The following ELK3 variants were observed in gnomAD, a reference collection of about 807,000 sequenced individuals.
ELK3 encodes ETS domain-containing protein Elk-3.
ELK3 carries 10 observed loss-of-function variants against 28.9 expected under a neutral mutation model. That is an observed-to-expected ratio of 0.35 (90% confidence interval 0.21 to 0.59). The LOEUF is 0.59. ELK3 is among the 20% of genes least tolerant of loss of function. ELK3 has a pLI of 0.82. For synonymous variants in ELK3, 272 were observed against 243.5 expected (o/e 1.12, Z -1.09); for missense variants, 463 against 517.3 (o/e 0.90, Z 1.02).
At chr12:96,195,805 C>T (rs1372863512) in intron 1 of ELK3, among the ~76,000 whole-genome samples, 4 of 152,126 alleles carry the variant, frequency 2.6e-5, no homozygotes, top group Admixed American at 1.3e-4. Flanking sequence ...CTGTGGTTTG[C>T]TCCTTCTTAG....
In ELK3 at chr12:96,268,127, TAAAA is replaced by T. The variant is rs1952054902; in HGVS notation, c.*950_*953del. 2 of 152,230 alleles carry T rather than the reference TAAAA, an allele frequency of 1.3e-5. No individual in the cohort carries two copies. The highest frequency in any genetic ancestry group is 4.8e-5 in the African/African-American group (2 of 41,474). 9.4% of individuals were successfully genotyped at this position (152,230 alleles called of 1,614,324 possible). On this transcript the variant is annotated 3_prime_UTR_variant, in exon 5 of 5. Coordinates refer to ENST00000228741, the MANE Select transcript of ELK3 (RefSeq NM_005230.4). The stretch of plus-strand genomic sequence containing the variant: ...TTCCCCTGGAACTATAATTAACATT[TAAAA>T]AATCTAATGCTTTAGAAGAAGCTCA...
At position 96,208,061 on chromosome 12, in the gene ELK3, G is replaced by GT. The variant is rs796955029; in HGVS notation, c.-3+13365dup. Among the ~76,000 whole-genome samples, 139 of 150,632 alleles carry GT rather than the reference G, an allele frequency of 9.2e-4. 1 individual carries two copies. Among genetic ancestry groups the GT allele is most frequent in the African/African-American group, 3.0e-3 (123 of 41,044 alleles). On this transcript the variant is annotated intron_variant, in intron 1 of 4. Coordinates refer to ENST00000228741, the MANE Select transcript of ELK3 (RefSeq NM_005230.4). ...GTTAGAGGGCAGTTTTTTGTTTTTT[G>GT]TTTTTTTTTGAGACAGAGTCTCGCT...
chr12:96,246,015 CA>C (rs966708637), intron 2 of ELK3, among the ~76,000 whole-genome samples: 8 of 150,574 alleles, frequency 5.3e-5, no homozygotes, highest in Admixed American at 2.0e-4. Context: ...GCTTTCTTGG[CA>C]AAAAAAATAA....
At chr12:96,239,512 C>T (rs114354335) in intron 2 of ELK3, among the ~76,000 whole-genome samples, 2 of 152,308 alleles carry the variant, frequency 1.3e-5, no homozygotes, top group South Asian at 2.1e-4. Context: ...TAACAGTGCC[C>T]ATCCTGCAAG....
intron 2 of ELK3, among the ~76,000 whole-genome samples, chr12:96,234,588 A>G (rs151251127): frequency 1.3e-5 from 2 of 152,156 alleles, no homozygotes; most frequent in East Asian, 3.9e-4. Context: ...CCTACCCCAA[A>G]TTTGTAACAT....
At chr12:96,256,284 G>A (rs1951948034) in intron 3 of ELK3, among the ~76,000 whole-genome samples, 1 of 152,186 alleles carries the variant, frequency 6.6e-6, no homozygotes, top group Non-Finnish European at 1.5e-5. Flanking sequence ...AAGGCATTTT[G>A]CATGGTGGGG....
chr12:96,262,337 G>A (rs1951999597), intron 4 of ELK3, among the ~76,000 whole-genome samples: 1 of 152,098 alleles, frequency 6.6e-6, no homozygotes, highest in African/African-American at 2.4e-5. Flanking sequence ...TTTTTGTCAT[G>A]TTCCTAGTGA....
chr12:96,228,332 C>T (rs969418902), intron 2 of ELK3, among the ~76,000 whole-genome samples: 29 of 142,532 alleles, frequency 2.0e-4, no homozygotes, highest in African/African-American at 7.3e-4. Flanking sequence ...GCAGGAGAAT[C>T]GCTTGAACCC....
chr12:96,224,320 C>T lies in ELK3; in HGVS notation c.207+547C>T, dbSNP rs912291576. 5.9e-5 allele frequency among the ~76,000 whole-genome samples: 9 copies of T among 151,504 alleles called. No homozygotes were observed. In the East Asian group the frequency reaches 1.7e-3, roughly 29 times the overall value. On this transcript the variant is annotated intron_variant, in intron 2 of 4. Transcript: ENST00000228741. Reference sequence around the variant, plus strand: ...AGCCATTACATGTAAGTACTTAGAACGCTGCTAATAGGAGTAGGAATCCTG... The same window carrying T: ...AGCCATTACATGTAAGTACTTAGAATGCTGCTAATAGGAGTAGGAATCCTG...
At chr12:96,266,806 T>C (rs1952035277) in intron 4 of ELK3, among the ~76,000 whole-genome samples, 1 of 152,232 alleles carries the variant, frequency 6.6e-6, no homozygotes. Context: ...TGTTAGAAGA[T>C]GCTTTAGCAA....
At chr12:96,254,126 ACCAACCTGG>A (rs1290417803) in intron 3 of ELK3, among the ~76,000 whole-genome samples, 2 of 152,178 alleles carry the variant, frequency 1.3e-5, no homozygotes, top group Admixed American at 6.5e-5. Context: ...GGAGTTCAAG[ACCAACCTGG>A]CCAACATGGC....
chr12:96,249,130 A>G (rs1168033299), intron 3 of ELK3, among the ~76,000 whole-genome samples: 2 of 152,202 alleles, frequency 1.3e-5, no homozygotes, highest in Non-Finnish European at 2.9e-5. Context: ...GCACAGAGGT[A>G]AAGTAGTTCG....
chr12:96,223,827 C>T (rs1196557951), intron 2 of ELK3, 54 bp downstream of exon 2: 29 of 1,549,790 alleles, frequency 1.9e-5, no homozygotes, highest in Middle Eastern at 3.4e-4. Context: ...ATCCCCTCTG[C>T]GTAGTTCACT....
intron 2 of ELK3, among the ~76,000 whole-genome samples, chr12:96,239,896 G>A (rs1429550777): frequency 2.6e-5 from 4 of 152,232 alleles, no homozygotes; most frequent in South Asian, 2.1e-4. Flanking sequence ...ACCACCTTTC[G>A]GGGCCTGACA....
intron 3 of ELK3, among the ~76,000 whole-genome samples, chr12:96,258,174 C>G (rs1469452439): frequency 1.3e-5 from 2 of 152,202 alleles, no homozygotes; most frequent in African/African-American, 2.4e-5. Flanking sequence ...GGAACCCTGG[C>G]AGAGCTCATG....
intron 3 of ELK3, among the ~76,000 whole-genome samples, chr12:96,258,679 A>G (rs895438849): frequency 2.0e-5 from 3 of 152,184 alleles, no homozygotes; most frequent in African/African-American, 7.2e-5. Flanking sequence ...AATAAAAGCC[A>G]TGCAGACTTA....
chr12:96,238,890 C>T (rs986876974), intron 2 of ELK3, among the ~76,000 whole-genome samples: 36 of 152,326 alleles, frequency 2.4e-4, no homozygotes, highest in Non-Finnish European at 4.1e-4. Flanking sequence ...GCAGAGACCC[C>T]TTGGCCCTGT....
At chr12:96,229,163 G>A (rs1008026175) in intron 2 of ELK3, among the ~76,000 whole-genome samples, 2 of 152,162 alleles carry the variant, frequency 1.3e-5, no homozygotes, top group Non-Finnish European at 2.9e-5. Flanking sequence ...CTACTCAAGT[G>A]CACACCATTT....
intron 1 of ELK3, among the ~76,000 whole-genome samples, chr12:96,210,224 T>A (rs577390920): frequency 3.3e-5 from 5 of 152,284 alleles, no homozygotes; most frequent in Non-Finnish European, 5.9e-5. Context: ...CCTAGTAAGT[T>A]TCACTGACTG....
Sources: gnomAD v4.1 joint callset for allele counts (sites outside exome capture counted in the v4.1 genomes callset) on GRCh38, gnomAD v4.1.1 for gene constraint, MANE v1.5 for transcripts, NCBI Gene and HGNC (gene_info 2026-07-23, HGNC 2026-07-21) for gene names.